CFAP54: variants seen among roughly 807,000 people sequenced by gnomAD.
CFAP54 encodes the protein cilia- and flagella-associated protein 54.
CFAP54 carries 290 observed loss-of-function variants against 370.4 expected under a neutral mutation model. The ratio of observed to expected loss-of-function variants is 0.78; its 90% CI spans 0.71 to 0.86. The LOEUF (loss-of-function observed/expected upper bound fraction) is 0.86. CFAP54 is among the 40% of genes least tolerant of loss of function. The pLI is 0.00. For missense variants in CFAP54, 3,399 were observed against 3,528.7 expected, an observed-to-expected ratio of 0.96 and a Z score of 0.93; for synonymous variants, 1,206 against 1,236.5, an observed-to-expected ratio of 0.98 and a Z score of 0.52.
rs1957040537 is a variant in CFAP54, at chr12:96,664,689, GTATATATCTATATATA to G, written c.5563+765_5563+780del. On this transcript the variant is annotated intron_variant, in intron 39 of 67. Coordinates refer to ENST00000524981, the MANE Select transcript of CFAP54 (RefSeq NM_001306084.2). ...AATAGAACAATTTATATTCCTTTGG[GTATATATCTATATATA>G]TATATATATCTATATATATCTATAT... Among the ~76,000 whole-genome samples the G allele has an allele frequency of 5.0e-3, 130 of 26,254 alleles. 2 individuals are homozygous for G. The highest frequency in any genetic ancestry group is 0.024 in the African/African-American group (117 of 4,878). 17.2% of individuals were successfully genotyped at this position (26,254 alleles called of 152,430 possible).
chr12:96,792,504 G>GT lies in CFAP54; in HGVS notation c.8850+6dup. On this transcript the variant is annotated splice_donor_region_variant and intron_variant, in intron 63 of 67. Coordinates refer to ENST00000524981, the MANE Select transcript of CFAP54 (RefSeq NM_001306084.2). ...CCCAAGGAGACAGAACCTATGGTAT[G>GT]TAATGTACTTATAGAACTCAATATT... 1 of 1,523,562 alleles carries GT rather than the reference G, an allele frequency of 6.6e-7. No homozygotes were observed. The highest frequency in any genetic ancestry group is 2.5e-5 in the East Asian group (1 of 40,786). The allele number at this position is 1,523,562 out of a possible 1,614,324, so 94.4% of individuals were successfully genotyped here. A position where few individuals can be genotyped will look rare whatever the true frequency, so the allele number is the denominator to read the frequency against.
At chr12:96,822,799 C>T (rs1318140485) in intron 65 of CFAP54, among the ~76,000 whole-genome samples, 3 of 152,186 alleles carry the variant, frequency 2.0e-5, no homozygotes, top group African/African-American at 7.2e-5. Flanking sequence ...AGCTGTCTTG[C>T]TCTCATAGCT....
At chr12:96,631,701 T>C (rs1022412363) in intron 32 of CFAP54, among the ~76,000 whole-genome samples, 3 of 149,242 alleles carry the variant, frequency 2.0e-5, no homozygotes, top group Non-Finnish European at 4.5e-5. Context: ...GCATAAACAA[T>C]ATATATTATG....
intron 67 of CFAP54, among the ~76,000 whole-genome samples, chr12:96,862,675 C>T (rs991298712): frequency 4.6e-5 from 7 of 152,076 alleles, no homozygotes; most frequent in African/African-American, 1.7e-4. Flanking sequence ...CTCATGAATT[C>T]AAAGGGAAAA....
At position 96,531,431 on chromosome 12, in the gene CFAP54, ATCTT is replaced by A. The variant is rs141977882; in HGVS notation, c.1358-2354_1358-2351del. Among the ~76,000 whole-genome samples the A allele has an allele frequency of 1.4e-3, 216 of 152,042 alleles. 1 individual carries two copies. The highest frequency in any genetic ancestry group is 2.5e-3 in the Non-Finnish European group (168 of 67,986). ...AATGCAGCAGATACTTTGAGGTCAT[ATCTT>A]TCTTTCATTTTTTCATGTTACTTTT... On this transcript the variant is annotated intron_variant, in intron 9 of 67. Coordinates refer to ENST00000524981, the MANE Select transcript of CFAP54 (RefSeq NM_001306084.2).
rs144140609 is a variant in CFAP54, at chr12:96,521,677, G to GT, written c.943-177dup. ...AATTCCTAAAGTCACCTTATTCACA[G>GT]TTTATTAGAGAGTTTAGTGGTTCTT... On this transcript the variant is annotated intron_variant, in intron 6 of 67. Coordinates refer to ENST00000524981, the MANE Select transcript of CFAP54 (RefSeq NM_001306084.2). 9.6e-3 allele frequency among the ~76,000 whole-genome samples: 1,461 copies of GT among 152,286 alleles called. 18 individuals carry two copies. Among genetic ancestry groups the GT allele is most frequent in the African/African-American group, 0.033 (1,353 of 41,538 alleles).
chr12:96,851,326 A>T (rs1346599759), intron 66 of CFAP54, among the ~76,000 whole-genome samples: 1 of 152,106 alleles, frequency 6.6e-6, no homozygotes, highest in Non-Finnish European at 1.5e-5. Context: ...TGCTTCATAA[A>T]TGTATCCTGA....
intron 60 of CFAP54, among the ~76,000 whole-genome samples, chr12:96,776,632 G>A (rs903738189): frequency 2.6e-5 from 4 of 152,152 alleles, no homozygotes; most frequent in Admixed American, 2.6e-4. Context: ...AGATAATTGT[G>A]GATAGTCTTC....
At chr12:96,647,159 A>AAG (rs1431490867) in intron 33 of CFAP54, 1 of 152,024 alleles carries the variant, frequency 6.6e-6, no homozygotes, top group Non-Finnish European at 1.5e-5. Flanking sequence ...AAGACTGTTC[A>AAG]ATGCCTAGAC....
chr12:96,654,392 T>C (rs1592690143), intron 36 of CFAP54, among the ~76,000 whole-genome samples: 1 of 151,276 alleles, frequency 6.6e-6, no homozygotes, highest in South Asian at 2.1e-4. Context: ...TCCCAGCTAC[T>C]TGGGAGGCTG....
At chr12:96,535,458 A>G in intron 11 of CFAP54, 57 bp from the exon 12 acceptor site, 1 of 1,132,894 alleles carries the variant, frequency 8.8e-7, no homozygotes. Context: ...TGCCTTTTCT[A>G]TTTGAAATTT....
At chr12:96,578,213 G>A (rs1955999761) in intron 20 of CFAP54, among the ~76,000 whole-genome samples, 2 of 152,186 alleles carry the variant, frequency 1.3e-5, no homozygotes, top group African/African-American at 4.8e-5. Context: ...TGGATTAAAT[G>A]TGCTTGCATA....
chr12:96,571,049 C>A (rs1955912277), intron 19 of CFAP54, among the ~76,000 whole-genome samples: 1 of 152,076 alleles, frequency 6.6e-6, no homozygotes, highest in Non-Finnish European at 1.5e-5. Flanking sequence ...GGAGGTCTAC[C>A]AGATATGTAG....
chr12:96,630,754 A>G, intron 32 of CFAP54, 103 bp downstream of exon 32: 1 of 555,784 alleles, frequency 1.8e-6, no homozygotes, highest in Non-Finnish European at 2.8e-6. Flanking sequence ...AGACAGGTGA[A>G]ATCACTGCCT....
At chr12:96,785,004 C>A in intron 61 of CFAP54, 114 bp downstream of exon 61, 1 of 860,184 alleles carries the variant, frequency 1.2e-6, no homozygotes, top group Non-Finnish European at 1.6e-6. Context: ...TGACTGTCAT[C>A]AGAAGATGAA....
At chr12:96,612,243 T>G (rs1956366449) in intron 26 of CFAP54, among the ~76,000 whole-genome samples, 2 of 152,194 alleles carry the variant, frequency 1.3e-5, no homozygotes, top group Non-Finnish European at 2.9e-5. Context: ...TCAACATTCT[T>G]AAAGAAAAGA....
In CFAP54 at chr12:96,540,861, A is replaced by C; in HGVS notation, c.1951A>C (p.Asn651His). ...GTGGATTTATCTTCTGTGGCAGATA[A>C]ATGAAGTAATTCACTGCTATAAAAT... is the stretch of plus-strand genomic sequence containing the variant. The part of the protein sequence containing the change: ...NKWIYLLWQI[N>H]EVIHCYKMED... Residue 651 changes from asparagine (N) to histidine (H), a missense_variant, in exon 14 of 68, where the codon AAT (asparagine) becomes CAT (histidine). Physicochemically the swap from Asn to His is moderately conservative, Grantham distance 68 (BLOSUM62 1). Coordinates refer to ENST00000524981, the MANE Select transcript of CFAP54 (RefSeq NM_001306084.2). 1.4e-6 allele frequency: 2 copies of C among 1,463,100 alleles called. No homozygotes were observed. The highest frequency in any genetic ancestry group is 1.8e-6 in the Non-Finnish European group (2 of 1,114,548). The allele number at this position is 1,463,100 out of a possible 1,614,324, so 90.6% of individuals were successfully genotyped here.
Position 96,742,507 on chromosome 12 carries a change from C to T in CFAP54, c.7140C>T (p.Asn2380=), listed in dbSNP as rs756613600. Residue 2380 remains asparagine, a synonymous_variant, in exon 52 of 68, where the codon AAC becomes AAT. Coordinates refer to ENST00000524981, the MANE Select transcript of CFAP54 (RefSeq NM_001306084.2). ...CCCTAAATGCCCGAGAATATTTCAACATTCATCTGTGGTTGAGGTGCCGCT... is the reference window on the plus strand; with the variant it reads ...CCCTAAATGCCCGAGAATATTTCAATATTCATCTGTGGTTGAGGTGCCGCT... ...PISLNAREYF[N]IHLWLRCRLA... 1.2e-6 allele frequency: 2 copies of T among 1,612,566 alleles called. No homozygotes were observed. Among genetic ancestry groups the T allele is most frequent in the Non-Finnish European group, 1.7e-6 (2 of 1,179,018 alleles).
intron 50 of CFAP54, among the ~76,000 whole-genome samples, chr12:96,721,936 G>C (rs556643490): frequency 6.6e-6 from 1 of 152,140 alleles, no homozygotes; most frequent in Non-Finnish European, 1.5e-5. Flanking sequence ...TTTTAAAATC[G>C]TGTGGTTGTA....
Sources: gnomAD v4.1 joint callset for allele counts (sites outside exome capture counted in the v4.1 genomes callset) on GRCh38, gnomAD v4.1.1 for gene constraint, MANE v1.5 for transcripts, NCBI Gene and HGNC (gene_info 2026-07-23, HGNC 2026-07-21) for gene names.